Variants in GLI3 observed in about 807,000 individuals in gnomAD.
GLI3 encodes GLI family zinc finger 3.
Under a neutral mutation model 100.8 loss-of-function variants are expected in GLI3, and 20 were observed. The observed-to-expected ratio is 0.20, with a 90% CI of 0.14 to 0.29. GLI3 has a LOEUF of 0.29. Among genes scored for constraint, GLI3 ranks in the 10% least tolerant of loss-of-function variants. GLI3 has a pLI of 1.00. For synonymous variants in GLI3, 938 were observed against 860.5 expected (o/e 1.09, Z -1.58); for missense variants, 2,040 against 2,128.5 (o/e 0.96, Z 0.82).
At chr7:42,127,983 C>T (rs891354513) in intron 3 of GLI3, among the ~76,000 whole-genome samples, 23 of 142,654 alleles carry the variant, frequency 1.6e-4, no homozygotes, top group African/African-American at 6.0e-4. Flanking sequence ...CGAGCCACCA[C>T]ACTCCAGCCT....
At chr7:42,016,953 C>T (rs1788782639) in intron 10 of GLI3, among the ~76,000 whole-genome samples, 1 of 152,198 alleles carries the variant, frequency 6.6e-6, no homozygotes, top group African/African-American at 2.4e-5. Context: ...GTCAGACTGT[C>T]CAGTCTTTGA....
At chr7:42,238,916 G>C (rs909225802), upstream of GLI3, among the ~76,000 whole-genome samples, 1 of 152,242 alleles carries the variant, frequency 6.6e-6, no homozygotes, top group African/African-American at 2.4e-5. Flanking sequence ...TGAAGGAAGA[G>C]TGTGGGTGGA....
intron 2 of GLI3, among the ~76,000 whole-genome samples, chr7:42,208,560 T>A (rs1788201979): frequency 1.3e-5 from 2 of 152,202 alleles, no homozygotes; most frequent in Admixed American, 1.3e-4. Context: ...CTTGAGAGGT[T>A]CAGTGTTTAG....
At chr7:42,212,009 ATGCTTT>A (rs1229143314) in intron 2 of GLI3, among the ~76,000 whole-genome samples, 1 of 152,128 alleles carries the variant, frequency 6.6e-6, no homozygotes, top group East Asian at 1.9e-4. Flanking sequence ...ATTTTTCCCA[ATGCTTT>A]TGCAATTGAT....
At chr7:42,037,325 A>G (rs1583498701) in intron 7 of GLI3, among the ~76,000 whole-genome samples, 2 of 152,098 alleles carry the variant, frequency 1.3e-5, no homozygotes, top group East Asian at 3.9e-4. Flanking sequence ...CCTTTTCTAG[A>G]TGTCTCCTTG....
At chr7:42,115,283 C>T (rs1285051523) in intron 3 of GLI3, among the ~76,000 whole-genome samples, 1 of 151,696 alleles carries the variant, frequency 6.6e-6, no homozygotes, top group Admixed American at 6.6e-5. Context: ...GGACTACAGG[C>T]GCCCTGCCAC....
intron 1 of GLI3, among the ~76,000 whole-genome samples, chr7:42,246,409 T>C (rs1788972085): frequency 1.3e-5 from 2 of 152,172 alleles, no homozygotes; most frequent in African/African-American, 4.8e-5. Context: ...CAACATACTC[T>C]GTATGCAGGA....
rs557120779 is a variant in GLI3, at chr7:42,022,310, G to A, written c.1497+1158C>T. Among the ~76,000 whole-genome samples, 32 of 152,272 alleles carry A rather than the reference G, an allele frequency of 2.1e-4. No homozygotes were observed. In the South Asian group the frequency reaches 3.7e-3, roughly 18 times the overall value. ...TGGAATACATTACATGGGATGCGCCGAGTTGCAAGAGACACACATTAAAAG... is the reference window on the plus strand; with the variant it reads ...TGGAATACATTACATGGGATGCGCCAAGTTGCAAGAGACACACATTAAAAG... On this transcript the variant is annotated intron_variant, in intron 10 of 14. Transcript: ENST00000395925.
chr7:41,974,838 T>C (rs1001310695), intron 12 of GLI3, among the ~76,000 whole-genome samples: 2 of 152,194 alleles, frequency 1.3e-5, no homozygotes, highest in Non-Finnish European at 2.9e-5. Context: ...CAAAAAGAAG[T>C]GTCCTCAGCA....
chr7:42,177,972 G>A (rs1285905003), intron 2 of GLI3, among the ~76,000 whole-genome samples: 2 of 152,188 alleles, frequency 1.3e-5, no homozygotes, highest in African/African-American at 2.4e-5. Context: ...GTGCACCAAG[G>A]ATGATAAAAT....
At chr7:42,218,148 C>T (rs1788413239) in intron 2 of GLI3, among the ~76,000 whole-genome samples, 1 of 152,142 alleles carries the variant, frequency 6.6e-6, no homozygotes, top group South Asian at 2.1e-4. Flanking sequence ...TTCCACGTAT[C>T]TGTCATGTGC....
At chr7:42,069,739 T>C (rs1165091227) in intron 4 of GLI3, among the ~76,000 whole-genome samples, 1 of 152,242 alleles carries the variant, frequency 6.6e-6, no homozygotes, top group African/African-American at 2.4e-5. Context: ...TTCCAGGTCA[T>C]ATTCTCTGTC....
chr7:42,180,292 G>T (rs999829737), intron 2 of GLI3, among the ~76,000 whole-genome samples: 1 of 152,184 alleles, frequency 6.6e-6, no homozygotes, highest in African/African-American at 2.4e-5. Context: ...ACCAACAGTG[G>T]CCTGGACAAG....
chr7:42,047,099 T>C (rs1337791473), intron 5 of GLI3, among the ~76,000 whole-genome samples: 2 of 152,162 alleles, frequency 1.3e-5, no homozygotes, highest in Non-Finnish European at 2.9e-5. Context: ...TGGGGTACAG[T>C]GAGCTGAGAT....
intron 1 of GLI3, among the ~76,000 whole-genome samples, chr7:42,225,523 C>A (rs1222865602): frequency 6.6e-6 from 1 of 152,078 alleles, no homozygotes; most frequent in East Asian, 1.9e-4. Flanking sequence ...CCATGCCCAG[C>A]TAATTTTTTG....
At position 42,209,986 on chromosome 7, in the gene GLI3, GAAAAAAAAAAAAAA is replaced by G. The variant is rs749477443; in HGVS notation, c.124+13130_124+13143del. 5.6e-3 allele frequency among the ~76,000 whole-genome samples: 187 copies of G among 33,294 alleles called. 4 individuals are homozygous for G. The East Asian group carries it at 0.076, about 14-fold the overall frequency. The allele number at this position is 33,294 out of a possible 152,430, so 21.8% of individuals were successfully genotyped here. On this transcript the variant is annotated intron_variant, in intron 2 of 14. Coordinates refer to ENST00000395925, the MANE Select transcript of GLI3 (RefSeq NM_000168.6). ...GGGTCATACATCTCTTTAAGAATCT[GAAAAAAAAAAAAAA>G]AAAAAAAAAAAAAAGGGCATAGGCC...
intron 7 of GLI3, among the ~76,000 whole-genome samples, chr7:42,030,760 CCAGGCTGG>C (rs1251690990): frequency 1.3e-5 from 2 of 150,364 alleles, no homozygotes; most frequent in African/African-American, 2.4e-5. Context: ...GTTCTGTCTC[CCAGGCTGG>C]AGTGCAGTGG....
intron 10 of GLI3, among the ~76,000 whole-genome samples, chr7:42,020,655 G>A (rs1788909451): frequency 6.6e-6 from 1 of 152,180 alleles, no homozygotes; most frequent in African/African-American, 2.4e-5. Context: ...CACAGGAATG[G>A]AAACTGTTAA....
At chr7:42,259,638 T>C (rs1241794450) in intron 1 of GLI3, among the ~76,000 whole-genome samples, 3 of 152,192 alleles carry the variant, frequency 2.0e-5, no homozygotes, top group African/African-American at 2.4e-5. Flanking sequence ...TTCTGCATGA[T>C]AGAAAATTAT....
Sources: gnomAD v4.1 joint callset for allele counts (sites outside exome capture counted in the v4.1 genomes callset) on GRCh38, gnomAD v4.1.1 for gene constraint, MANE v1.5 for transcripts, NCBI Gene and HGNC (gene_info 2026-07-23, HGNC 2026-07-21) for gene names.